The following CRKL variants were observed in gnomAD, a reference collection of about 807,000 sequenced individuals.
CRKL encodes crk-like protein.
In CRKL, 3 loss-of-function variants were observed where a neutral mutation model predicts 23.0. The ratio of observed to expected loss-of-function variants is 0.13; its 90% CI spans 0.06 to 0.34. CRKL has a LOEUF of 0.34. Ranked by LOEUF, CRKL falls within the 10% of genes least tolerant of loss-of-function variation. The probability of loss-of-function intolerance (pLI) is 1.00; values close to 1 mark genes in which losing one functional copy is unlikely to be tolerated. For missense variants in CRKL, 256 were observed against 394.5 expected (o/e 0.65, Z 2.97); for synonymous variants, 188 against 160.7 (o/e 1.17, Z -1.28).
chr22:20,945,143 C>G lies in CRKL; in HGVS notation c.778-4568C>G, dbSNP rs1048842159. Among the ~76,000 whole-genome samples, 25 of 151,830 alleles carry G rather than the reference C, an allele frequency of 1.6e-4. No homozygotes were observed. The East Asian group carries it at 3.7e-3, about 22-fold the overall frequency. ...CAAGTAGCTGGGACTACAGGCGCCT[C>G]CTACCACGCCCGGCTAATTTTTTGT... is the stretch of plus-strand genomic sequence containing the variant. On this transcript the variant is annotated intron_variant, in intron 2 of 2. Transcript: ENST00000354336.
At chr22:20,935,549 C>G (rs1473868170) in intron 2 of CRKL, among the ~76,000 whole-genome samples, 1 of 139,386 alleles carries the variant, frequency 7.2e-6, no homozygotes, top group Non-Finnish European at 1.5e-5. Flanking sequence ...GACAGAGTCT[C>G]GCTCTATTGC....
intron 1 of CRKL, among the ~76,000 whole-genome samples, chr22:20,927,111 CAAAAAAAAA>C (rs371278201): frequency 2.9e-4 from 14 of 48,528 alleles, no homozygotes; most frequent in African/African-American, 7.6e-4. Flanking sequence ...GACTCCGTCT[CAAAAAAAAA>C]AAAAAAAAAA....
chr22:20,948,955 A>G (rs895137031), intron 2 of CRKL, among the ~76,000 whole-genome samples: 5 of 152,178 alleles, frequency 3.3e-5, no homozygotes, highest in Non-Finnish European at 1.5e-5. Context: ...TACAATGACT[A>G]CCACCTGAAG....
chr22:20,942,340 A>C (rs1339395766), intron 2 of CRKL, among the ~76,000 whole-genome samples: 1 of 152,202 alleles, frequency 6.6e-6, no homozygotes, highest in Non-Finnish European at 1.5e-5. Context: ...TGAGGCAAGG[A>C]GTTTGAGACC....
intron 2 of CRKL, among the ~76,000 whole-genome samples, chr22:20,945,672 A>G (rs1163788652): frequency 6.6e-6 from 1 of 152,208 alleles, no homozygotes; most frequent in African/African-American, 2.4e-5. Flanking sequence ...GCCAGGGCAC[A>G]CAGACAGGGA....
chr22:20,943,608 C>T (rs1921953966), intron 2 of CRKL, among the ~76,000 whole-genome samples: 1 of 152,200 alleles, frequency 6.6e-6, no homozygotes, highest in South Asian at 2.1e-4. Flanking sequence ...GGTAAGGTTT[C>T]AGAGTCTTTC....
In CRKL at chr22:20,920,363, G is replaced by A. The variant is rs570605120; in HGVS notation, c.311+2118G>A. 1.7e-3 allele frequency among the ~76,000 whole-genome samples: 256 copies of A among 152,102 alleles called. 2 individuals carry two copies. Among genetic ancestry groups the A allele is most frequent in the African/African-American group, 6.0e-3 (247 of 41,486 alleles). On this transcript the variant is annotated intron_variant, in intron 1 of 2. Transcript: ENST00000354336. ...TAAAAATACAAAAAATTAGCTGGGC[G>A]TAGTGGTGGGTGCCTGTAATCCCAG...
chr22:20,919,227 TAAGAG>T lies in CRKL; in HGVS notation c.311+986_311+990del, dbSNP rs535486607. ...TTTTATAGTACGTTAATTACAAAGA[TAAGAG>T]AAGGTGCATTGGCTTCAGCGAGGAT... is the stretch of plus-strand genomic sequence containing the variant. On this transcript the variant is annotated intron_variant, in intron 1 of 2. Coordinates refer to ENST00000354336, the MANE Select transcript of CRKL (RefSeq NM_005207.4). 2.7e-3 allele frequency among the ~76,000 whole-genome samples: 417 copies of T among 152,232 alleles called. 1 individual carries two copies. The highest frequency in any genetic ancestry group is 9.0e-3 in the African/African-American group (375 of 41,534).
At chr22:20,925,315 T>C (rs1921159608) in intron 1 of CRKL, among the ~76,000 whole-genome samples, 1 of 151,288 alleles carries the variant, frequency 6.6e-6, no homozygotes, top group Non-Finnish European at 1.5e-5. Flanking sequence ...ATGATTAGAC[T>C]AGATTTCTGA....
chr22:20,943,855 G>A (rs774584852), intron 2 of CRKL, among the ~76,000 whole-genome samples: 1 of 152,096 alleles, frequency 6.6e-6, no homozygotes, highest in African/African-American at 2.4e-5. Flanking sequence ...GATCATAAAT[G>A]TGTGGGTTTA....
At chr22:20,919,648 A>G (rs1362010754) in intron 1 of CRKL, among the ~76,000 whole-genome samples, 1 of 152,170 alleles carries the variant, frequency 6.6e-6, no homozygotes, top group Non-Finnish European at 1.5e-5. Context: ...GTTGCCTAGA[A>G]TTTTTAAAGT....
At chr22:20,922,169 C>T (rs940836059) in intron 1 of CRKL, among the ~76,000 whole-genome samples, 3 of 151,818 alleles carry the variant, frequency 2.0e-5, no homozygotes, top group African/African-American at 7.3e-5. Flanking sequence ...ACTACAGGCA[C>T]CCGCCACCAT....
chr22:20,925,830 A>G (rs1921181554), intron 1 of CRKL, among the ~76,000 whole-genome samples: 1 of 152,206 alleles, frequency 6.6e-6, no homozygotes, highest in African/African-American at 2.4e-5. Context: ...TCAGAAACAA[A>G]AAAGGAGGGA....
chr22:20,931,541 A>G (rs1245033104), intron 1 of CRKL, among the ~76,000 whole-genome samples: 3 of 152,148 alleles, frequency 2.0e-5, no homozygotes, highest in Non-Finnish European at 2.9e-5. Context: ...ATTCTCATAC[A>G]CCTGACAGAT....
At chr22:20,942,761 A>G (rs1209242770) in intron 2 of CRKL, among the ~76,000 whole-genome samples, 2 of 152,072 alleles carry the variant, frequency 1.3e-5, no homozygotes, top group African/African-American at 4.8e-5. Flanking sequence ...AGCTGGGATT[A>G]TAGGCACGTG....
At chr22:20,926,221 T>C (rs1795302949) in intron 1 of CRKL, among the ~76,000 whole-genome samples, 1 of 152,194 alleles carries the variant, frequency 6.6e-6, no homozygotes, top group African/African-American at 2.4e-5. Flanking sequence ...GTAAAGGGCC[T>C]CCTCAGCCTT....
chr22:20,939,487 C>A lies in CRKL; in HGVS notation c.777+5243C>A, dbSNP rs191027467. On this transcript the variant is annotated intron_variant, in intron 2 of 2. Coordinates refer to ENST00000354336, the MANE Select transcript of CRKL (RefSeq NM_005207.4). ...GGTCTCCATCTCCTGACCTCGTGAT[C>A]CACCTGCCTAGGCCTCCCAAAATGC... Among the ~76,000 whole-genome samples the A allele has an allele frequency of 6.5e-3, 989 of 152,134 alleles. 14 individuals are homozygous for A. Among genetic ancestry groups the A allele is most frequent in the African/African-American group, 0.023 (943 of 41,502 alleles).
intron 1 of CRKL, among the ~76,000 whole-genome samples, chr22:20,927,192 A>ATTTTTTTTTCTTTTTTTTTT (rs1921248852): frequency 1.2e-5 from 1 of 81,970 alleles, no homozygotes; most frequent in Non-Finnish European, 2.0e-5. Context: ...TTGGAATTGA[A>ATTTTTTTTTCTTTTTTTTTT]TTTTTTTTTT....
Position 20,952,750 on chromosome 22 carries a change from T to TA in CRKL, c.*2906dup. ...TTTTTCACCTGGGAAGGAAACAAAT[T>TA]ACGTACTAGAGGGCATTGACTGGTT... is the stretch of plus-strand genomic sequence containing the variant. On this transcript the variant is annotated 3_prime_UTR_variant, in exon 3 of 3. Transcript: ENST00000354336. 1 of 231,852 alleles carries TA rather than the reference T, an allele frequency of 4.3e-6. No homozygotes were observed. Among genetic ancestry groups the TA allele is most frequent in the Non-Finnish European group, 8.5e-6 (1 of 117,228 alleles). 14.4% of individuals were successfully genotyped at this position (231,852 alleles called of 1,614,324 possible).
Sources: gnomAD v4.1 joint callset for allele counts (sites outside exome capture counted in the v4.1 genomes callset) on GRCh38, gnomAD v4.1.1 for gene constraint, MANE v1.5 for transcripts, NCBI Gene and HGNC (gene_info 2026-07-23, HGNC 2026-07-21) for gene names.